SASH1: variants seen among roughly 807,000 people sequenced by gnomAD.
SASH1 encodes the protein SAM and SH3 domain containing 1, also known as SAM and SH3 domain-containing protein 1.
In SASH1, 44 loss-of-function variants were observed where a neutral mutation model predicts 125.2. The observed-to-expected ratio is 0.35, with a 90% confidence interval of 0.28 to 0.45. SASH1 has a LOEUF of 0.45. Ranked by LOEUF, SASH1 falls within the 20% of genes least tolerant of loss-of-function variation. The pLI, the probability that SASH1 is intolerant of heterozygous loss-of-function variation, is 1.00. For synonymous variants in SASH1, 639 were observed against 649.1 expected (o/e 0.98, Z 0.24); for missense variants, 1,426 against 1,614.5 (o/e 0.88, Z 2.00).
chr6:148,325,107 A>C (rs1011656693), intron 1 of SASH1, among the ~76,000 whole-genome samples: 2 of 152,214 alleles, frequency 1.3e-5, no homozygotes, highest in African/African-American at 4.8e-5. Context: ...AGACTGGGTA[A>C]TTTATAAAGA....
intron 8 of SASH1, among the ~76,000 whole-genome samples, chr6:148,488,822 T>C (rs920987182): frequency 6.6e-6 from 1 of 152,252 alleles, no homozygotes; most frequent in African/African-American, 2.4e-5. Context: ...AGTTATGTTG[T>C]TTTGCTGCTG....
intron 2 of SASH1, among the ~76,000 whole-genome samples, chr6:148,434,858 C>T (rs913525442): frequency 1.3e-5 from 2 of 152,044 alleles, no homozygotes; most frequent in Non-Finnish European, 2.9e-5. Context: ...TTAAATTCTG[C>T]GTAGAATATG....
At chr6:148,353,045 T>C (rs1781792973) in intron 1 of SASH1, among the ~76,000 whole-genome samples, 1 of 152,104 alleles carries the variant, frequency 6.6e-6, no homozygotes, top group African/African-American at 2.4e-5. Flanking sequence ...AATTAATATA[T>C]CTTTATTTTA....
intron 9 of SASH1, among the ~76,000 whole-genome samples, chr6:148,517,296 G>C (rs560719302): frequency 6.6e-6 from 1 of 152,184 alleles, no homozygotes; most frequent in Non-Finnish European, 1.5e-5. Flanking sequence ...GCTGGATGCA[G>C]AGCATACCCC....
chr6:148,378,273 CA>C lies in SASH1; in HGVS notation c.157-11858del, dbSNP rs555183706. Among the ~76,000 whole-genome samples the C allele has an allele frequency of 3.2e-3, 491 of 152,134 alleles. 1 individual carries two copies. The highest frequency in any genetic ancestry group is 0.011 in the African/African-American group (460 of 41,520). ...TTCACCATGTTGGCCAGGCTAGTCTCAAACTCCCAACTTCAGGTGATCCACC... is the reference window on the plus strand; with the variant it reads ...TTCACCATGTTGGCCAGGCTAGTCTCAACTCCCAACTTCAGGTGATCCACC... On this transcript the variant is annotated intron_variant, in intron 1 of 19. Coordinates refer to ENST00000367467, the MANE Select transcript of SASH1 (RefSeq NM_015278.5).
At chr6:148,234,922 A>G in the SASH1 span, among the ~76,000 whole-genome samples, 2 of 152,222 alleles carry the variant, frequency 1.3e-5, no homozygotes, top group East Asian at 3.9e-4. Context: ...ATTCTCTAAC[A>G]TCAGAAATAT....
chr6:148,220,577 G>C, the SASH1 span, among the ~76,000 whole-genome samples: 1 of 152,120 alleles, frequency 6.6e-6, no homozygotes, highest in African/African-American at 2.4e-5. Flanking sequence ...GCAATGATTG[G>C]ATGGGGAAAA....
At chr6:148,321,763 C>T (rs1338766398) in intron 1 of SASH1, among the ~76,000 whole-genome samples, 1 of 152,134 alleles carries the variant, frequency 6.6e-6, no homozygotes, top group African/African-American at 2.4e-5. Flanking sequence ...CTAGGCATAG[C>T]ATCAGGGAAA....
intron 1 of SASH1, among the ~76,000 whole-genome samples, chr6:148,368,770 G>GCACACACA (rs377455429): frequency 0.017 from 2,320 of 135,724 alleles, 39 homozygotes; most frequent in African/African-American, 0.04. Flanking sequence ...GCACGCGCGC[G>GCACACACA]CACACACACA....
At position 148,322,089 on chromosome 6, in the gene SASH1, G is replaced by T. The variant is rs151039227; in HGVS notation, n.74+49712G>T. Among the ~76,000 whole-genome samples the T allele has an allele frequency of 2.9e-3, 441 of 152,294 alleles. 6 individuals carry two copies. The highest frequency in any genetic ancestry group is 0.01 in the Middle Eastern group (3 of 294). ...CTCTCAGCCGGGCACAGTGGCCCATGCCTGTAATCCTAGCACTTTGGGAGG... is the reference window on the plus strand; with the variant it reads ...CTCTCAGCCGGGCACAGTGGCCCATTCCTGTAATCCTAGCACTTTGGGAGG... On this transcript the variant is annotated intron_variant and non_coding_transcript_variant, in intron 1 of 3. Transcript: ENST00000367469.
At chr6:148,423,024 T>C (rs1775640723) in intron 2 of SASH1, among the ~76,000 whole-genome samples, 1 of 152,180 alleles carries the variant, frequency 6.6e-6, no homozygotes, top group African/African-American at 2.4e-5. Context: ...CTGCAACCTC[T>C]GCCTCCCAGG....
intron 8 of SASH1, among the ~76,000 whole-genome samples, chr6:148,489,236 CAT>C (rs1778998707): frequency 6.6e-6 from 1 of 152,122 alleles, no homozygotes; most frequent in Admixed American, 6.6e-5. Flanking sequence ...GTCCTTTCCT[CAT>C]TTTATGGTCA....
At chr6:148,458,983 T>C (rs866343085) in intron 4 of SASH1, among the ~76,000 whole-genome samples, 4 of 137,958 alleles carry the variant, frequency 2.9e-5, no homozygotes, top group Non-Finnish European at 6.1e-5. Flanking sequence ...AAAAAAAGTA[T>C]ACACACACAC....
the SASH1 span, among the ~76,000 whole-genome samples, chr6:148,234,928 A>G: frequency 6.6e-6 from 1 of 152,112 alleles, no homozygotes; most frequent in Middle Eastern, 3.2e-3. Flanking sequence ...TAACATCAGA[A>G]ATATTATCTA....
chr6:148,445,399 TTAAC>T (rs1393997039), intron 4 of SASH1, among the ~76,000 whole-genome samples: 1 of 152,170 alleles, frequency 6.6e-6, no homozygotes, highest in Non-Finnish European at 1.5e-5. Flanking sequence ...ACAGGTGAAA[TTAAC>T]TAATTTTCTA....
chr6:148,418,561 C>A lies in SASH1; in HGVS notation c.286-21623C>A, dbSNP rs147865888. The stretch of plus-strand genomic sequence containing the variant: ...ATGACTTCCATAGTAAGGCACTGGG[C>A]TTTATGTGTGATGGTGTCTCCGCTT... On this transcript the variant is annotated intron_variant, in intron 2 of 19. Transcript: ENST00000367467. Among the ~76,000 whole-genome samples, 935 of 152,314 alleles carry A rather than the reference C, an allele frequency of 6.1e-3. 5 individuals carry two copies. Among genetic ancestry groups the A allele is most frequent in the Non-Finnish European group, 9.5e-3 (648 of 68,026 alleles).
At chr6:148,410,957 C>T (rs182679944) in intron 2 of SASH1, among the ~76,000 whole-genome samples, 37 of 152,040 alleles carry the variant, frequency 2.4e-4, no homozygotes, top group Non-Finnish European at 4.9e-4. Flanking sequence ...GTTAGGAGTT[C>T]GAGACCAGCC....
chr6:148,227,550 G>A, the SASH1 span, among the ~76,000 whole-genome samples: 3 of 152,114 alleles, frequency 2.0e-5, no homozygotes, highest in African/African-American at 7.2e-5. Flanking sequence ...TAGAGATGGG[G>A]TTTCACCATG....
chr6:148,230,050 C>T, the SASH1 span, among the ~76,000 whole-genome samples: 3 of 152,070 alleles, frequency 2.0e-5, no homozygotes, highest in Non-Finnish European at 4.4e-5. Flanking sequence ...CAGTAACCAT[C>T]AGTAGTCATT....
Sources: gnomAD v4.1 joint callset for allele counts (sites outside exome capture counted in the v4.1 genomes callset) on GRCh38, gnomAD v4.1.1 for gene constraint, MANE v1.5 for transcripts, NCBI Gene and HGNC (gene_info 2026-07-23, HGNC 2026-07-21) for gene names.